RSRC1: variants seen among roughly 807,000 people sequenced by gnomAD.
RSRC1 encodes serine/Arginine-related protein 53.
RSRC1 carries 39 observed loss-of-function variants against 49.1 expected under a neutral mutation model. The observed-to-expected ratio is 0.79, with a 90% CI of 0.61 to 1.04. The LOEUF (loss-of-function observed/expected upper bound fraction) is 1.04, where lower values mean the gene tolerates loss of function less well. RSRC1 is among the 50% of genes least tolerant of loss of function. The pLI, the probability that RSRC1 is intolerant of heterozygous loss-of-function variation, is 0.00. For synonymous variants in RSRC1, 143 were observed against 130.8 expected, an observed-to-expected ratio of 1.09 and a Z score of -0.63; for missense variants, 388 against 402.4, an observed-to-expected ratio of 0.96 and a Z score of 0.31.
intron 7 of RSRC1, among the ~76,000 whole-genome samples, chr3:158,515,288 G>T (rs1347316166): frequency 6.6e-6 from 1 of 151,020 alleles, no homozygotes; most frequent in Non-Finnish European, 1.5e-5. Flanking sequence ...TTTTAGGGCA[G>T]GCCTGGTGGT....
intron 6 of RSRC1, among the ~76,000 whole-genome samples, chr3:158,393,212 G>C (rs1335259267): frequency 6.6e-6 from 1 of 152,028 alleles, no homozygotes; most frequent in Non-Finnish European, 1.5e-5. Context: ...CTATCAAAAA[G>C]TTAGAAAGAT....
intron 3 of RSRC1, among the ~76,000 whole-genome samples, chr3:158,175,711 C>A (rs1052586998): frequency 2.6e-5 from 4 of 152,058 alleles, no homozygotes; most frequent in African/African-American, 9.7e-5. Flanking sequence ...GGAAATTCTT[C>A]TATCCAGTTC....
At chr3:158,463,335 A>G (rs1438976286) in intron 7 of RSRC1, among the ~76,000 whole-genome samples, 1 of 152,092 alleles carries the variant, frequency 6.6e-6, no homozygotes. Flanking sequence ...AATGCTATCA[A>G]ATTAACAGTT....
chr3:158,281,340 T>C (rs1460264775), intron 4 of RSRC1, among the ~76,000 whole-genome samples: 1 of 152,070 alleles, frequency 6.6e-6, no homozygotes, highest in Non-Finnish European at 1.5e-5. Context: ...TTTTTTTTTT[T>C]TTAGATATCC....
intron 7 of RSRC1, among the ~76,000 whole-genome samples, chr3:158,508,059 TGAGA>T (rs1486675517): frequency 3.3e-5 from 5 of 151,978 alleles, no homozygotes; most frequent in Non-Finnish European, 7.4e-5. Flanking sequence ...GATAATAGAA[TGAGA>T]GAGAGAGTCT....
chr3:158,225,462 G>A (rs759995172), intron 4 of RSRC1, among the ~76,000 whole-genome samples: 6 of 151,938 alleles, frequency 3.9e-5, no homozygotes, highest in Non-Finnish European at 8.8e-5. Flanking sequence ...CCCCCTTAAT[G>A]ACTGATTAAA....
chr3:158,358,979 G>A (rs1214109341), intron 6 of RSRC1, among the ~76,000 whole-genome samples: 1 of 151,234 alleles, frequency 6.6e-6, no homozygotes, highest in East Asian at 1.9e-4. Context: ...ATAAAATTTG[G>A]GTTGTTTCTA....
intron 3 of RSRC1, among the ~76,000 whole-genome samples, chr3:158,197,050 T>C (rs1402363136): frequency 6.6e-6 from 1 of 152,178 alleles, no homozygotes; most frequent in Admixed American, 6.5e-5. Flanking sequence ...CTTTTTCTAT[T>C]GATTGGAATA....
intron 4 of RSRC1, among the ~76,000 whole-genome samples, chr3:158,224,523 A>G (rs543789942): frequency 6.6e-6 from 1 of 151,970 alleles, no homozygotes; most frequent in East Asian, 1.9e-4. Context: ...TAATTTTGAA[A>G]TCACAGAATT....
chr3:158,486,068 C>T (rs1339227552), intron 7 of RSRC1, among the ~76,000 whole-genome samples: 2 of 152,162 alleles, frequency 1.3e-5, no homozygotes, highest in Non-Finnish European at 2.9e-5. Context: ...AAGTATTTAG[C>T]AATACTCTAC....
chr3:158,163,150 C>T (rs879506148), intron 3 of RSRC1, among the ~76,000 whole-genome samples: 1 of 152,030 alleles, frequency 6.6e-6, no homozygotes, highest in Non-Finnish European at 1.5e-5. Flanking sequence ...ATTACAGGCA[C>T]CGCCAGCATA....
At chr3:158,272,553 TC>T (rs1221053270) in intron 4 of RSRC1, among the ~76,000 whole-genome samples, 1 of 152,122 alleles carries the variant, frequency 6.6e-6, no homozygotes, top group Non-Finnish European at 1.5e-5. Flanking sequence ...AAGTTTTTAA[TC>T]TTATGTTTTT....
intron 7 of RSRC1, among the ~76,000 whole-genome samples, chr3:158,526,461 GC>G (rs1560076269): frequency 6.6e-6 from 1 of 151,914 alleles, no homozygotes; most frequent in Non-Finnish European, 1.5e-5. Context: ...TAAGGCACTT[GC>G]AAACACAACA....
chr3:158,268,191 T>G (rs1328970681), intron 4 of RSRC1, among the ~76,000 whole-genome samples: 1 of 152,176 alleles, frequency 6.6e-6, no homozygotes, highest in Non-Finnish European at 1.5e-5. Flanking sequence ...CTTTACAATG[T>G]GTCCTCAGAT....
chr3:158,325,179 G>A (rs1440553826), intron 5 of RSRC1, among the ~76,000 whole-genome samples: 1 of 152,078 alleles, frequency 6.6e-6, no homozygotes, highest in Admixed American at 6.6e-5. Context: ...TCTGTAGGTT[G>A]CCTGTTCACT....
intron 3 of RSRC1, among the ~76,000 whole-genome samples, chr3:158,146,518 G>T (rs1717128387): frequency 6.6e-6 from 1 of 152,136 alleles, no homozygotes; most frequent in Non-Finnish European, 1.5e-5. Context: ...ATGTGCTGCT[G>T]GGTTCGGTTT....
intron 6 of RSRC1, among the ~76,000 whole-genome samples, chr3:158,453,917 T>C (rs1737184353): frequency 6.6e-6 from 1 of 152,132 alleles, no homozygotes. Flanking sequence ...TTCTAAAGGC[T>C]TGTCTATTTT....
At chr3:158,300,212 G>A (rs1727462256) in intron 5 of RSRC1, among the ~76,000 whole-genome samples, 1 of 152,114 alleles carries the variant, frequency 6.6e-6, no homozygotes, top group South Asian at 2.1e-4. Flanking sequence ...AAAGAGCCAG[G>A]ACTAGCATAC....
At chr3:158,175,713 A>G (rs1365490567) in intron 3 of RSRC1, among the ~76,000 whole-genome samples, 1 of 152,074 alleles carries the variant, frequency 6.6e-6, no homozygotes, top group African/African-American at 2.4e-5. Flanking sequence ...AAATTCTTCT[A>G]TCCAGTTCTT....
Sources: allele counts gnomAD v4.1 joint callset (sites outside exome capture counted in the v4.1 genomes callset), GRCh38; gene constraint gnomAD v4.1.1; transcripts MANE v1.5; gene names NCBI Gene and HGNC (gene_info 2026-07-23, HGNC 2026-07-21).